CPN1: variants seen among roughly 807,000 people sequenced by gnomAD.
CPN1 encodes carboxypeptidase N subunit 1.
CPN1 carries 37 observed loss-of-function variants against 46.4 expected under a neutral mutation model. The observed-to-expected ratio is 0.80, with a 90% confidence interval of 0.61 to 1.05. The LOEUF is 1.05. CPN1 is among the 50% of genes least tolerant of loss of function. The pLI, the probability that CPN1 is intolerant of heterozygous loss-of-function variation, is 0.00. For synonymous variants in CPN1, 224 were observed against 235.4 expected (o/e 0.95, Z 0.44); for missense variants, 563 against 602.6 (o/e 0.93, Z 0.69).
chr10:100,055,637 G>C (rs541261199), intron 6 of CPN1, among the ~76,000 whole-genome samples: 1 of 152,256 alleles, frequency 6.6e-6, no homozygotes, highest in South Asian at 2.1e-4. Flanking sequence ...CGATTCTCCT[G>C]CCTCAGCCTC....
rs149661215 is a variant in CPN1, at chr10:100,074,912, C to T, written c.420+999G>A. ...ACCATTGATTTAAAGTTACGCATAT[C>T]GATCTGAAACACTTAAGATGTTACT... On this transcript the variant is annotated intron_variant, in intron 2 of 8. Coordinates refer to ENST00000370418, the MANE Select transcript of CPN1 (RefSeq NM_001308.3). Among the ~76,000 whole-genome samples, 365 of 152,220 alleles carry T rather than the reference C, an allele frequency of 2.4e-3. 1 individual carries two copies. The highest frequency in any genetic ancestry group is 8.5e-3 in the African/African-American group (353 of 41,538).
In CPN1 at chr10:100,068,581, C is replaced by T. The variant is rs190071954; in HGVS notation, c.576+1133G>A. On this transcript the variant is annotated intron_variant, in intron 3 of 8. Transcript: ENST00000370418. ...TTTGTTTTGGAGACAGGGTCTCTTG[C>T]TCTGTCACCCAGGCTGGAGCAGGCA... is the stretch of plus-strand genomic sequence containing the variant. Among the ~76,000 whole-genome samples, 291 of 152,236 alleles carry T rather than the reference C, an allele frequency of 1.9e-3. 2 individuals are homozygous for T. Among genetic ancestry groups the T allele is most frequent in the African/African-American group, 6.8e-3 (284 of 41,560 alleles).
intron 5 of CPN1, among the ~76,000 whole-genome samples, chr10:100,062,887 C>T (rs1166657852): frequency 1.3e-5 from 2 of 151,794 alleles, no homozygotes; most frequent in Admixed American, 1.3e-4. Flanking sequence ...AGGCATCAGT[C>T]ACCATGCCTG....
chr10:100,081,258 T>C (rs2041542883), intron 1 of CPN1, 145 bp downstream of exon 1: 2 of 750,056 alleles, frequency 2.7e-6, no homozygotes, highest in African/African-American at 3.5e-5. Context: ...GTTTGAGGGC[T>C]AAGAGGGAAA....
At chr10:100,077,107 T>A (rs560789865) in intron 1 of CPN1, among the ~76,000 whole-genome samples, 8 of 152,214 alleles carry the variant, frequency 5.3e-5, no homozygotes, top group African/African-American at 1.7e-4. Context: ...TACCTCTTCA[T>A]CTTCTCATTT....
intron 5 of CPN1, among the ~76,000 whole-genome samples, chr10:100,061,500 C>T (rs532037223): frequency 2.0e-5 from 3 of 152,320 alleles, no homozygotes; most frequent in South Asian, 2.1e-4. Flanking sequence ...TCAGTAGGTA[C>T]GAGGTGGGGT....
intron 3 of CPN1, among the ~76,000 whole-genome samples, chr10:100,065,918 C>T (rs1487712514): frequency 3.3e-5 from 5 of 151,224 alleles, no homozygotes; most frequent in Admixed American, 3.3e-4. Flanking sequence ...AAAATAAAGT[C>T]TGTTGAGAGA....
At chr10:100,068,589 C>T (rs2041468192) in intron 3 of CPN1, among the ~76,000 whole-genome samples, 1 of 152,098 alleles carries the variant, frequency 6.6e-6, no homozygotes, top group Non-Finnish European at 1.5e-5. Context: ...TGCTCTGTCA[C>T]CCAGGCTGGA....
intron 7 of CPN1, among the ~76,000 whole-genome samples, chr10:100,052,758 T>C (rs1393416100): frequency 2.0e-5 from 3 of 152,028 alleles, no homozygotes; most frequent in African/African-American, 2.4e-5. Flanking sequence ...TATGCACTTG[T>C]AGTTCCAGCT....
At chr10:100,046,439 T>G (rs1009365454) in intron 8 of CPN1, among the ~76,000 whole-genome samples, 1 of 151,944 alleles carries the variant, frequency 6.6e-6, no homozygotes, top group African/African-American at 2.4e-5. Context: ...ACCACTGCCC[T>G]CCAGCCTGGG....
chr10:100,069,737 G>A lies in CPN1; in HGVS notation c.553C>T (p.Leu185Phe). The A allele has an allele frequency of 1.2e-6, 2 of 1,613,900 alleles. No homozygotes were observed. Among genetic ancestry groups the A allele is most frequent in the Non-Finnish European group, 1.7e-6 (2 of 1,180,010 alleles). ...ACCTGACTTTTCCAGTTGTCTGGAA[G>A]GGGCAGGTGGTGGTTGGGGCCTCCG... ...KYGGPNHHLPLPDNWKSQVEP... is the reference protein window; with the variant it reads ...KYGGPNHHLPFPDNWKSQVEP... The change falls in exon 3 of 9, where the codon CTT (leucine) becomes TTT (phenylalanine). Residue 185 changes from leucine to phenylalanine, a missense_variant. By Grantham distance (22) the Leu-to-Phe change is conservative (BLOSUM62 0). Transcript: ENST00000370418.
chr10:100,061,342 A>G (rs1164775654), intron 5 of CPN1, among the ~76,000 whole-genome samples: 1 of 152,228 alleles, frequency 6.6e-6, no homozygotes, highest in African/African-American at 2.4e-5. Flanking sequence ...CCATAAATAT[A>G]TACACTTCGT....
chr10:100,049,981 A>G (rs764284717), intron 7 of CPN1, among the ~76,000 whole-genome samples: 4 of 152,200 alleles, frequency 2.6e-5, no homozygotes, highest in Admixed American at 2.0e-4. Flanking sequence ...ACTGTGAAGA[A>G]ATGATGTCTA....
At chr10:100,049,004 G>C (rs1408196448) in intron 7 of CPN1, 128 bp from the exon 8 acceptor site, 5 of 675,418 alleles carry the variant, frequency 7.4e-6, no homozygotes, top group East Asian at 3.3e-5. Flanking sequence ...TGTCACCCAG[G>C]CTGGAGTGAA....
At chr10:100,048,500 C>G (rs945560687) in intron 8 of CPN1, among the ~76,000 whole-genome samples, 3 of 152,104 alleles carry the variant, frequency 2.0e-5, no homozygotes, top group Admixed American at 1.3e-4. Flanking sequence ...GAGTTCAAGA[C>G]CAGCCTGGGT....
At chr10:100,050,064 C>T (rs2041340661) in intron 7 of CPN1, among the ~76,000 whole-genome samples, 1 of 151,944 alleles carries the variant, frequency 6.6e-6, no homozygotes, top group African/African-American at 2.4e-5. Flanking sequence ...GAAATAAAAC[C>T]TACTGAGGCC....
intron 1 of CPN1, among the ~76,000 whole-genome samples, chr10:100,078,409 C>G (rs1422285421): frequency 1.3e-5 from 2 of 152,150 alleles, no homozygotes; most frequent in Non-Finnish European, 2.9e-5. Flanking sequence ...TTGGTTCAAG[C>G]CCCTGCACCT....
chr10:100,055,749 C>T (rs886298637), intron 6 of CPN1, among the ~76,000 whole-genome samples: 8 of 152,208 alleles, frequency 5.3e-5, no homozygotes, highest in Admixed American at 4.6e-4. Context: ...GTCTCAAACT[C>T]CCAAACTCAG....
At chr10:100,077,877 C>T (rs1008419754) in intron 1 of CPN1, among the ~76,000 whole-genome samples, 1 of 151,634 alleles carries the variant, frequency 6.6e-6, no homozygotes, top group African/African-American at 2.4e-5. Flanking sequence ...TGTTTTAGTT[C>T]CCTCCGGTCT....
Sources: gnomAD v4.1 joint callset for allele counts (sites outside exome capture counted in the v4.1 genomes callset) on GRCh38, gnomAD v4.1.1 for gene constraint, MANE v1.5 for transcripts, NCBI Gene and HGNC (gene_info 2026-07-23, HGNC 2026-07-21) for gene names.